The following CREB5 variants were observed in gnomAD, a reference collection of about 807,000 sequenced individuals.
The protein encoded by CREB5 is cAMP responsive element binding protein 5, also known as cyclic AMP-responsive element-binding protein 5.
A neutral mutation model predicts 57.1 loss-of-function variants in CREB5; 19 were observed. The ratio of observed to expected loss-of-function variants is 0.33; its 90% confidence interval spans 0.23 to 0.49. CREB5 has a LOEUF of 0.49. Among genes scored for constraint, CREB5 ranks in the 20% least tolerant of loss-of-function variants. The pLI, the probability that CREB5 is intolerant of heterozygous loss-of-function variation, is 0.99. For missense variants in CREB5, 579 were observed against 671.6 expected (o/e 0.86, Z 1.52); for synonymous variants, 238 against 238.3 (o/e 1.00, Z 0.01).
At chr7:28,784,387 A>G (rs1807184638) in intron 7 of CREB5, among the ~76,000 whole-genome samples, 1 of 152,098 alleles carries the variant, frequency 6.6e-6, no homozygotes, top group African/African-American at 2.4e-5. Context: ...ATGTGTGATA[A>G]ATTATCTGTC....
chr7:28,587,248 GAC>G (rs1328718251), intron 5 of CREB5, among the ~76,000 whole-genome samples: 14 of 152,210 alleles, frequency 9.2e-5, no homozygotes, highest in Non-Finnish European at 1.9e-4. Flanking sequence ...GAGACTGAAA[GAC>G]ACTGAAATGG....
At chr7:28,467,719 C>T (rs1790648714) in intron 1 of CREB5, among the ~76,000 whole-genome samples, 1 of 152,112 alleles carries the variant, frequency 6.6e-6, no homozygotes, top group South Asian at 2.1e-4. Context: ...GGATGGATAA[C>T]AGAAAAGCCA....
Position 28,778,087 on chromosome 7 carries a change from T to C in CREB5, c.703-26112T>C, listed in dbSNP as rs186157271. 2.0e-5 allele frequency among the ~76,000 whole-genome samples: 3 copies of C among 152,316 alleles called. No homozygotes were observed. In the East Asian group the frequency reaches 5.8e-4, roughly 29 times the overall value. On this transcript the variant is annotated intron_variant, in intron 7 of 10. Coordinates refer to ENST00000357727, the MANE Select transcript of CREB5 (RefSeq NM_182898.4). ...ATGTTTCTACACTGTTTTCACATTA[T>C]GGTGGGAAAGATGACACAGGCATAC...
chr7:28,700,427 C>A (rs1349607796), intron 5 of CREB5, among the ~76,000 whole-genome samples: 1 of 152,158 alleles, frequency 6.6e-6, no homozygotes, highest in Admixed American at 6.5e-5. Flanking sequence ...TGATGAATTC[C>A]TGCAGGGCAG....
In CREB5 at chr7:28,822,289, G is replaced by C. The variant is rs1270065883; in HGVS notation, c.*3010G>C. On this transcript the variant is annotated 3_prime_UTR_variant, in exon 11 of 11. Coordinates refer to ENST00000357727, the MANE Select transcript of CREB5 (RefSeq NM_182898.4). Reference sequence around the variant, plus strand: ...GAAATTCCAAACAGAAAGATACATTGGTCAAATCCAACACTTGGCTTATCA... The same window carrying C: ...GAAATTCCAAACAGAAAGATACATTCGTCAAATCCAACACTTGGCTTATCA... The C allele has an allele frequency of 6.6e-6, 1 of 152,210 alleles. No homozygotes were observed. Among genetic ancestry groups the C allele is most frequent in the African/African-American group, 2.4e-5 (1 of 41,414 alleles). 9.4% of individuals were successfully genotyped at this position (152,210 alleles called of 1,614,324 possible).
chr7:28,301,756 A>G (rs2127978728), intron 1 of CREB5, among the ~76,000 whole-genome samples: 1 of 152,340 alleles, frequency 6.6e-6, no homozygotes, highest in South Asian at 2.1e-4. Flanking sequence ...TCTGTTGTTT[A>G]CAGGTTTGTT....
chr7:28,598,173 A>G (rs1481788883), intron 5 of CREB5, among the ~76,000 whole-genome samples: 3 of 152,112 alleles, frequency 2.0e-5, no homozygotes, highest in Non-Finnish European at 4.4e-5. Context: ...TTCCTGTGCT[A>G]TTCTCGTGAT....
chr7:28,790,322 G>A (rs1211058996), intron 7 of CREB5, among the ~76,000 whole-genome samples: 1 of 152,054 alleles, frequency 6.6e-6, no homozygotes, highest in Non-Finnish European at 1.5e-5. Flanking sequence ...GGCAAAGCAT[G>A]CAATATGTGG....
chr7:28,583,924 C>T (rs567570629), intron 5 of CREB5, among the ~76,000 whole-genome samples: 15 of 152,180 alleles, frequency 9.9e-5, no homozygotes, highest in East Asian at 5.8e-4. Flanking sequence ...CTGATCTGCC[C>T]GCCTCAGCCT....
chr7:28,678,905 G>A (rs1264324577), intron 5 of CREB5, among the ~76,000 whole-genome samples: 1 of 152,120 alleles, frequency 6.6e-6, no homozygotes, highest in African/African-American at 2.4e-5. Flanking sequence ...TGTAAGAGAA[G>A]GTCAGTTATT....
chr7:28,642,493 T>C (rs758221096), intron 5 of CREB5, among the ~76,000 whole-genome samples: 9 of 152,226 alleles, frequency 5.9e-5, no homozygotes, highest in Non-Finnish European at 1.3e-4. Flanking sequence ...TTTTACTTCA[T>C]TTTTAAAAAT....
intron 5 of CREB5, among the ~76,000 whole-genome samples, chr7:28,675,433 G>A (rs79374868): frequency 0.013 from 1,953 of 152,170 alleles, 58 homozygotes; most frequent in African/African-American, 0.044. Flanking sequence ...TTTTCCCTGC[G>A]TTATCAGTAT....
intron 1 of CREB5, among the ~76,000 whole-genome samples, chr7:28,472,152 CAAA>C (rs751915630): frequency 3.2e-5 from 2 of 63,072 alleles, no homozygotes; most frequent in African/African-American, 5.0e-5. Flanking sequence ...ATAGTCAAAG[CAAA>C]AAAAAAAAAA....
At chr7:28,618,590 C>A (rs545102710) in intron 5 of CREB5, among the ~76,000 whole-genome samples, 2 of 152,238 alleles carry the variant, frequency 1.3e-5, no homozygotes, top group South Asian at 4.2e-4. Context: ...CCTGCGGGAC[C>A]AGTAGGGCTC....
chr7:28,472,985 T>C (rs1188293608), intron 1 of CREB5, among the ~76,000 whole-genome samples: 1 of 152,190 alleles, frequency 6.6e-6, no homozygotes, highest in African/African-American at 2.4e-5. Flanking sequence ...CCTCCCCTGC[T>C]TAGTCTTCAA....
intron 9 of CREB5, among the ~76,000 whole-genome samples, chr7:28,815,822 A>G (rs1373213088): frequency 6.6e-6 from 1 of 152,168 alleles, no homozygotes; most frequent in Non-Finnish European, 1.5e-5. Flanking sequence ...AGAAAGCAAG[A>G]GAACCCAGTT....
upstream of CREB5, among the ~76,000 whole-genome samples, chr7:28,407,787 C>G (rs571143525): frequency 6.6e-6 from 1 of 152,284 alleles, no homozygotes; most frequent in African/African-American, 2.4e-5. Flanking sequence ...CTAAGCTCTT[C>G]CATTTAGTAT....
At chr7:28,453,596 C>A (rs1789940861) in intron 1 of CREB5, among the ~76,000 whole-genome samples, 1 of 152,248 alleles carries the variant, frequency 6.6e-6, no homozygotes, top group Non-Finnish European at 1.5e-5. Flanking sequence ...GCAGGCGTGT[C>A]TTGCTTATGA....
chr7:28,380,524 T>C (rs2127995774), intron 1 of CREB5, among the ~76,000 whole-genome samples: 1 of 152,298 alleles, frequency 6.6e-6, no homozygotes, highest in African/African-American at 2.4e-5. Flanking sequence ...TTTACAGCCA[T>C]TTGAGGCACT....
Sources: allele counts gnomAD v4.1 joint callset (sites outside exome capture counted in the v4.1 genomes callset), GRCh38; gene constraint gnomAD v4.1.1; transcripts MANE v1.5; gene names NCBI Gene and HGNC (gene_info 2026-07-23, HGNC 2026-07-21).